The following SFI1 variants were observed in gnomAD, a reference collection of about 807,000 sequenced individuals.
The protein encoded by SFI1 is SFI1 centrin binding protein.
A neutral mutation model predicts 207.5 loss-of-function variants in SFI1; 195 were observed. That is an observed-to-expected ratio of 0.94 (90% CI 0.84 to 1.06). The LOEUF (loss-of-function observed/expected upper bound fraction) is 1.06. SFI1 is among the 50% of genes least tolerant of loss of function. The pLI is 0.00. For missense variants in SFI1, 1,634 were observed against 1,588.0 expected (o/e 1.03, Z -0.49); for synonymous variants, 630 against 598.9 (o/e 1.05, Z -0.76).
chr22:31,519,237 C>G (rs1222850788), intron 2 of SFI1, among the ~76,000 whole-genome samples: 3 of 151,298 alleles, frequency 2.0e-5, no homozygotes, highest in Non-Finnish European at 4.4e-5. Context: ...TGAAAACCAG[C>G]GAACTATGCA....
intron 11 of SFI1, among the ~76,000 whole-genome samples, chr22:31,579,518 T>C (rs1282350595): frequency 1.3e-5 from 2 of 152,118 alleles, no homozygotes; most frequent in African/African-American, 4.8e-5. Context: ...GGTTTCACCA[T>C]GTTAGCCAAG....
Position 31,611,169 on chromosome 22 carries a change from T to C in SFI1, c.2281T>C (p.Trp761Arg), listed in dbSNP as rs1287696790. Residue 761 changes from tryptophan (W) to arginine (R), a missense_variant, in exon 23 of 33, where the codon TGG becomes CGG. Transcript: ENST00000400288. Reference sequence around the variant, plus strand: ...CTGTCTGCGGACCTGGTTTCAGCGCTGGTGGGACTGCAGCCGGAGGTCAGC... The same window carrying C: ...CTGTCTGCGGACCTGGTTTCAGCGCCGGTGGGACTGCAGCCGGAGGTCAGC... The part of the protein sequence containing the change: ...RGCLRTWFQR[W>R]WDCSRRSAQQ... 2 of 1,614,048 alleles carry C rather than the reference T, an allele frequency of 1.2e-6. No homozygotes were observed. Among genetic ancestry groups the C allele is most frequent in the Non-Finnish European group, 1.7e-6 (2 of 1,180,056 alleles).
intron 8 of SFI1, among the ~76,000 whole-genome samples, chr22:31,562,998 T>C (rs959172835): frequency 1.2e-4 from 18 of 150,552 alleles, no homozygotes; most frequent in African/African-American, 4.4e-4. Flanking sequence ...TATATATATA[T>C]ATATGTTTTG....
At chr22:31,551,505 TTTG>T (rs2060619569) in intron 6 of SFI1, among the ~76,000 whole-genome samples, 1 of 152,184 alleles carries the variant, frequency 6.6e-6, no homozygotes, top group South Asian at 2.1e-4. Context: ...ACTTACGCTG[TTTG>T]TTGTTTATTT....
At chr22:31,566,909 A>AT (rs566303037) in intron 8 of SFI1, among the ~76,000 whole-genome samples, 1,798 of 150,208 alleles carry the variant, frequency 0.012, 10 homozygotes, top group Middle Eastern at 0.031. Context: ...CCTATTAGGA[A>AT]TTTTTTTTTT....
chr22:31,578,622 A>C (rs1226002782), intron 11 of SFI1, among the ~76,000 whole-genome samples, 170 bp downstream of exon 11: 1 of 152,166 alleles, frequency 6.6e-6, no homozygotes, highest in African/African-American at 2.4e-5. Context: ...TTTGGATTAC[A>C]GGTGCTAATG....
At chr22:31,616,466 G>A (rs1051834497) in intron 29 of SFI1, 4 of 393,808 alleles carry the variant, frequency 1.0e-5, no homozygotes, top group African/African-American at 2.1e-5. Context: ...GCAAGGCTAG[G>A]AACAGCTGCT....
At position 31,604,870 on chromosome 22, in the gene SFI1, C is replaced by CT; in HGVS notation, c.1981dup (p.Tyr661LeufsTer41). 6.2e-7 allele frequency: 1 copy of CT among 1,611,634 alleles called. No homozygotes were observed. The highest frequency in any genetic ancestry group is 8.5e-7 in the Non-Finnish European group (1 of 1,178,778). ...CTCAGTCTTCCTTGTCCCCTACAGA[C>CT]TTACCAGGGCAGGGTGCGAAGCATC... On this transcript the variant is annotated frameshift_variant and splice_region_variant, in exon 20 of 33. Coordinates refer to ENST00000400288, the MANE Select transcript of SFI1 (RefSeq NM_001007467.3). LOFTEE classifies it high-confidence loss of function.
intron 22 of SFI1, 45 bp downstream of exon 22, chr22:31,608,078 C>G (rs1461197957): frequency 6.6e-7 from 1 of 1,506,546 alleles, no homozygotes; most frequent in East Asian, 2.3e-5. Context: ...AATGTGAAGA[C>G]AGCGCTGTTG....
In SFI1 at chr22:31,587,289, A is replaced by G. The variant is rs1338085769; in HGVS notation, c.1413+2155A>G. On this transcript the variant is annotated intron_variant, in intron 14 of 32. Transcript: ENST00000400288. ...CAGGAGGACTGTGTAGGTTATATGC[A>G]GATGCCAATTTATTTGTTTTGTTTT... 11 of 248,632 alleles carry G rather than the reference A, an allele frequency of 4.4e-5. No homozygotes were observed. The East Asian group carries it at 1.1e-3, about 24-fold the overall frequency. The allele number at this position is 248,632 out of a possible 1,614,324, so 15.4% of individuals were successfully genotyped here.
At chr22:31,584,257 T>G (rs1384649318) in intron 13 of SFI1, among the ~76,000 whole-genome samples, 2 of 152,198 alleles carry the variant, frequency 1.3e-5, no homozygotes, top group East Asian at 3.8e-4. Context: ...TGTTCACAAG[T>G]TAGAATTCAT....
intron 29 of SFI1, 196 bp from the exon 30 acceptor site, chr22:31,616,549 C>T (rs991196757): frequency 1.8e-5 from 9 of 512,226 alleles, no homozygotes; most frequent in Middle Eastern, 5.1e-4. Flanking sequence ...CTTTCCCCTA[C>T]AGTACCAGGC....
In SFI1 at chr22:31,574,627, A is replaced by G. The variant is rs1603049348; in HGVS notation, c.923-604A>G. Among the ~76,000 whole-genome samples, 8 of 152,356 alleles carry G rather than the reference A, an allele frequency of 5.3e-5. 2 individuals are homozygous for G. The highest frequency in any genetic ancestry group is 5.2e-4 in the Admixed American group (8 of 15,300). ...ACAGTTTTCATTTCTGTTCATCAGT[A>G]TCTAACTAGAAGCCTCAGCCCTTTG... On this transcript the variant is annotated intron_variant, in intron 9 of 32. Coordinates refer to ENST00000400288, the MANE Select transcript of SFI1 (RefSeq NM_001007467.3).
chr22:31,585,549 C>CACA (rs1173926474), intron 14 of SFI1, among the ~76,000 whole-genome samples: 1 of 152,106 alleles, frequency 6.6e-6, no homozygotes, highest in Non-Finnish European at 1.5e-5. Context: ...AGGTCAGGAC[C>CACA]ACAAATAAGT....
chr22:31,582,226 ATATATATATATTTTTTTTTT>A (rs1569377274), intron 12 of SFI1, among the ~76,000 whole-genome samples: 7 of 34,272 alleles, frequency 2.0e-4, no homozygotes, highest in African/African-American at 6.8e-4. Context: ...ATATATATAT[ATATATATATATTTTTTTTTT>A]TTTTTTTTTT....
At chr22:31,614,141 G>C (rs1273201014) in intron 27 of SFI1, 2 of 449,874 alleles carry the variant, frequency 4.4e-6, no homozygotes, top group African/African-American at 3.9e-5. Context: ...CCGTCCTGCT[G>C]ACACGATCTT....
intron 4 of SFI1, among the ~76,000 whole-genome samples, chr22:31,543,809 CAAAAA>C (rs59076091): frequency 3.5e-5 from 2 of 56,646 alleles, no homozygotes; most frequent in Middle Eastern, 0.011. Context: ...GACTCCATCT[CAAAAA>C]AAAAAAAAAA....
intron 15 of SFI1, among the ~76,000 whole-genome samples, chr22:31,595,811 A>G (rs927095493): frequency 6.6e-6 from 1 of 152,164 alleles, no homozygotes; most frequent in African/African-American, 2.4e-5. Context: ...GACCCTATAG[A>G]TAGATATTCG....
At chr22:31,604,218 A>T (rs1226150514) in intron 18 of SFI1, 91 bp from the exon 19 acceptor site, 3 of 962,590 alleles carry the variant, frequency 3.1e-6, no homozygotes, top group Non-Finnish European at 4.8e-6. Flanking sequence ...ATTTACACTC[A>T]CACAGATGAT....
Sources: allele counts gnomAD v4.1 joint callset (sites outside exome capture counted in the v4.1 genomes callset), GRCh38; gene constraint gnomAD v4.1.1; transcripts MANE v1.5; gene names NCBI Gene and HGNC (gene_info 2026-07-23, HGNC 2026-07-21).